The following DCC variants were observed in gnomAD, a reference collection of about 807,000 sequenced individuals.
The protein encoded by DCC is DCC netrin 1 receptor.
In DCC, 58 loss-of-function variants were observed where a neutral mutation model predicts 172.5. The ratio of observed to expected loss-of-function variants is 0.34; its 90% confidence interval spans 0.27 to 0.42. The LOEUF (loss-of-function observed/expected upper bound fraction) is 0.42, where lower values mean the gene tolerates loss of function less well. DCC is among the 10% of genes least tolerant of loss of function. The pLI is 1.00. For missense variants in DCC, 1,740 were observed against 1,791.0 expected, an observed-to-expected ratio of 0.97 and a Z score of 0.51; for synonymous variants, 709 against 644.5, an observed-to-expected ratio of 1.10 and a Z score of -1.52.
chr18:52,860,895 G>C (rs1304628195), intron 2 of DCC, among the ~76,000 whole-genome samples: 1 of 151,800 alleles, frequency 6.6e-6, no homozygotes, highest in Non-Finnish European at 1.5e-5. Flanking sequence ...AGTCCCAGCT[G>C]CTCAGGAGGC....
intron 7 of DCC, among the ~76,000 whole-genome samples, chr18:53,155,896 G>A (rs1393882950): frequency 1.3e-5 from 2 of 152,174 alleles, no homozygotes; most frequent in Non-Finnish European, 1.5e-5. Flanking sequence ...GTGTGGTGGT[G>A]TGTGCCTGTA....
chr18:52,381,013 A>G (rs190057185), intron 1 of DCC, among the ~76,000 whole-genome samples: 119 of 152,300 alleles, frequency 7.8e-4, no homozygotes, highest in African/African-American at 2.7e-3. Context: ...AAAATTAACA[A>G]AGAACAACTT....
At chr18:52,749,285 T>C (rs1370495791) in intron 1 of DCC, among the ~76,000 whole-genome samples, 2 of 152,166 alleles carry the variant, frequency 1.3e-5, no homozygotes, top group Non-Finnish European at 2.9e-5. Flanking sequence ...GGTCACAGAC[T>C]CCATTCAGAA....
intron 2 of DCC, among the ~76,000 whole-genome samples, chr18:52,792,941 C>T (rs1441349597): frequency 6.6e-6 from 1 of 151,502 alleles, no homozygotes; most frequent in African/African-American, 2.4e-5. Flanking sequence ...CTTCTGATCC[C>T]TTTCTTTTAG....
intron 2 of DCC, among the ~76,000 whole-genome samples, chr18:52,790,596 A>G (rs78519105): frequency 0.037 from 5,656 of 152,262 alleles, 196 homozygotes; most frequent in South Asian, 0.16. Flanking sequence ...TAGCCATTTT[A>G]TACCGTAAAA....
At chr18:52,814,732 T>G (rs370608173) in intron 2 of DCC, among the ~76,000 whole-genome samples, 39 of 152,328 alleles carry the variant, frequency 2.6e-4, no homozygotes, top group African/African-American at 8.9e-4. Flanking sequence ...TCAAAAAGCC[T>G]TTCTTAAACT....
intron 1 of DCC, among the ~76,000 whole-genome samples, chr18:52,378,311 A>C (rs79389053): frequency 1.0e-5 from 1 of 98,982 alleles, no homozygotes. Flanking sequence ...ATCTCTAAAG[A>C]AAAAAAAAAA....
At chr18:52,763,831 T>C (rs2037200442) in intron 2 of DCC, among the ~76,000 whole-genome samples, 1 of 152,242 alleles carries the variant, frequency 6.6e-6, no homozygotes, top group Non-Finnish European at 1.5e-5. Flanking sequence ...GATTATCCTG[T>C]GGCTTGTTTT....
intron 7 of DCC, among the ~76,000 whole-genome samples, chr18:53,100,269 C>G (rs2043151472): frequency 6.6e-6 from 1 of 151,954 alleles, no homozygotes; most frequent in African/African-American, 2.4e-5. Context: ...TTCCATTTCC[C>G]TTATACCCTT....
chr18:52,498,424 G>A (rs2144620903), intron 1 of DCC, among the ~76,000 whole-genome samples: 1 of 152,208 alleles, frequency 6.6e-6, no homozygotes, highest in East Asian at 1.9e-4. Context: ...ATGAGTTTGA[G>A]ACCAGCCTGG....
At chr18:53,151,423 A>T (rs192839704) in intron 7 of DCC, among the ~76,000 whole-genome samples, 3 of 152,332 alleles carry the variant, frequency 2.0e-5, no homozygotes, top group African/African-American at 7.2e-5. Flanking sequence ...GGGCTTAAAA[A>T]TAAATTATTA....
intron 5 of DCC, among the ~76,000 whole-genome samples, chr18:53,014,218 G>A (rs1438804050): frequency 2.0e-5 from 3 of 152,058 alleles, no homozygotes; most frequent in East Asian, 3.9e-4. Flanking sequence ...CTTATTGGCA[G>A]GTAAGCTATT....
chr18:53,079,621 A>T (rs1255087794), intron 7 of DCC, among the ~76,000 whole-genome samples: 1 of 152,176 alleles, frequency 6.6e-6, no homozygotes, highest in South Asian at 2.1e-4. Context: ...TTTGAATCCC[A>T]GGAATATTTA....
At chr18:53,387,999 C>T (rs1018053408) in intron 16 of DCC, among the ~76,000 whole-genome samples, 11 of 152,210 alleles carry the variant, frequency 7.2e-5, no homozygotes, top group African/African-American at 2.2e-4. Context: ...CAGCTTCATT[C>T]TTCTTAGCAT....
intron 21 of DCC, among the ~76,000 whole-genome samples, chr18:53,422,594 A>ACACT (rs1910692456): frequency 6.6e-6 from 1 of 152,166 alleles, no homozygotes; most frequent in African/African-American, 2.4e-5. Context: ...ATTCAGGCAA[A>ACACT]GTACTTAACA....
chr18:53,133,574 C>G (rs2043691987), intron 7 of DCC, among the ~76,000 whole-genome samples: 1 of 152,108 alleles, frequency 6.6e-6, no homozygotes, highest in South Asian at 2.1e-4. Flanking sequence ...CAAGGGAGCT[C>G]TAAATAATAT....
In DCC at chr18:52,486,192, T is replaced by G. The variant is rs986484478; in HGVS notation, c.91+145314T>G. On this transcript the variant is annotated intron_variant, in intron 1 of 28. Coordinates refer to ENST00000442544, the MANE Select transcript of DCC (RefSeq NM_005215.4). Reference sequence around the variant, plus strand: ...CAGTTTAGATCACAGTATTTTAAACTTTAGTGAGCATCAGTATCACCTGCA... The same window carrying G: ...CAGTTTAGATCACAGTATTTTAAACGTTAGTGAGCATCAGTATCACCTGCA... 4.6e-5 allele frequency among the ~76,000 whole-genome samples: 7 copies of G among 152,234 alleles called. No individual in the cohort carries two copies. The East Asian group carries it at 1.4e-3, about 29-fold the overall frequency.
At chr18:52,819,436 A>C (rs2038363864) in intron 2 of DCC, among the ~76,000 whole-genome samples, 3 of 152,240 alleles carry the variant, frequency 2.0e-5, no homozygotes, top group Admixed American at 2.0e-4. Context: ...AAATTAGCTG[A>C]AAATTATATA....
At chr18:53,361,565 C>A (rs1284934342) in intron 15 of DCC, among the ~76,000 whole-genome samples, 1 of 152,080 alleles carries the variant, frequency 6.6e-6, no homozygotes, top group African/African-American at 2.4e-5. Context: ...CCTTTTTAGT[C>A]AAAGGGAATA....
Sources: gnomAD v4.1 joint callset for allele counts (sites outside exome capture counted in the v4.1 genomes callset) on GRCh38, gnomAD v4.1.1 for gene constraint, MANE v1.5 for transcripts, NCBI Gene and HGNC (gene_info 2026-07-23, HGNC 2026-07-21) for gene names.